Variants in PDZD2 observed in about 807,000 individuals in gnomAD.
PDZD2 encodes the protein PDZ domain containing 2, also known as PDZ domain-containing protein 2.
A neutral mutation model predicts 220.7 loss-of-function variants in PDZD2; 90 were observed. That is an observed-to-expected ratio of 0.41 (90% CI 0.34 to 0.49). The LOEUF (loss-of-function observed/expected upper bound fraction) is 0.49, where lower values mean the gene tolerates loss of function less well. Ranked by LOEUF, PDZD2 falls within the 20% of genes least tolerant of loss-of-function variation. The pLI, the probability that PDZD2 is intolerant of heterozygous loss-of-function variation, is 0.28. For synonymous variants in PDZD2, 1,375 were observed against 1,450.5 expected (o/e 0.95, Z 1.18); for missense variants, 3,174 against 3,608.5 (o/e 0.88, Z 3.08).
chr5:31,838,570 CA>C (rs1438786538), intron 2 of PDZD2, among the ~76,000 whole-genome samples: 3 of 152,230 alleles, frequency 2.0e-5, no homozygotes, highest in East Asian at 1.9e-4. Flanking sequence ...GGTGAGTTTT[CA>C]AAAGCTGATC....
intron 2 of PDZD2, among the ~76,000 whole-genome samples, chr5:31,846,614 C>T (rs1044096290): frequency 8.5e-5 from 13 of 152,202 alleles, no homozygotes; most frequent in African/African-American, 1.9e-4. Flanking sequence ...GTCACCACCC[C>T]GTCTGTGTGT....
chr5:31,958,011 A>C (rs962902933), intron 2 of PDZD2, among the ~76,000 whole-genome samples: 1 of 152,232 alleles, frequency 6.6e-6, no homozygotes, highest in Non-Finnish European at 1.5e-5. Context: ...GAAATTTTAT[A>C]CCATTTAAAT....
intron 2 of PDZD2, among the ~76,000 whole-genome samples, chr5:31,892,628 C>T (rs1261392912): frequency 2.0e-5 from 3 of 151,504 alleles, no homozygotes; most frequent in South Asian, 2.1e-4. Flanking sequence ...AGTGCAGTGG[C>T]GAGACCACAG....
At chr5:32,060,910 T>G in intron 13 of PDZD2, 92 bp from the exon 14 acceptor site, 1 of 1,231,366 alleles carries the variant, frequency 8.1e-7, no homozygotes, top group Non-Finnish European at 1.2e-6. Context: ...CAGAAAAGAT[T>G]TCATATTATA....
At chr5:31,750,476 C>T (rs1004539805) in intron 1 of PDZD2, among the ~76,000 whole-genome samples, 1 of 152,156 alleles carries the variant, frequency 6.6e-6, no homozygotes. Flanking sequence ...ACCCTGTCCC[C>T]GTGGAGGTAG....
At chr5:31,850,239 T>C (rs1317852971) in intron 2 of PDZD2, among the ~76,000 whole-genome samples, 1 of 117,762 alleles carries the variant, frequency 8.5e-6, no homozygotes, top group Non-Finnish European at 1.7e-5. Flanking sequence ...TATATATATA[T>C]ATATACACAC....
At chr5:31,643,726 G>C (rs541608278) in intron 1 of PDZD2, among the ~76,000 whole-genome samples, 186 of 152,244 alleles carry the variant, frequency 1.2e-3, no homozygotes, top group African/African-American at 4.4e-3. Flanking sequence ...TGAAAAAACA[G>C]TCTCACTTAT....
intron 10 of PDZD2, among the ~76,000 whole-genome samples, chr5:32,056,449 G>T (rs561924963): frequency 4.6e-5 from 7 of 152,202 alleles, no homozygotes. Flanking sequence ...GCTGTGCAAA[G>T]TTCATCTGTT....
chr5:32,009,770 T>C (rs896142568), intron 5 of PDZD2, among the ~76,000 whole-genome samples: 4 of 151,620 alleles, frequency 2.6e-5, no homozygotes, highest in Non-Finnish European at 4.4e-5. Flanking sequence ...GGATCTTAAA[T>C]TCAGGGAGCT....
chr5:31,978,077 C>G (rs1021555932), intron 2 of PDZD2, among the ~76,000 whole-genome samples: 2 of 152,124 alleles, frequency 1.3e-5, no homozygotes, highest in Admixed American at 1.3e-4. Context: ...AGTCATCCTG[C>G]AAAGGTCAAA....
intron 2 of PDZD2, among the ~76,000 whole-genome samples, chr5:31,949,298 C>G (rs1746963541): frequency 6.6e-6 from 1 of 151,810 alleles, no homozygotes; most frequent in African/African-American, 2.4e-5. Flanking sequence ...ATGTGTGACC[C>G]AAGGACAATG....
intron 1 of PDZD2, among the ~76,000 whole-genome samples, chr5:31,746,832 GA>G (rs2150172502): frequency 6.6e-6 from 1 of 152,302 alleles, no homozygotes; most frequent in African/African-American, 2.4e-5. Context: ...TCCCTGTAAC[GA>G]AAGACAGGTT....
chr5:31,786,182 C>T (rs946080615), intron 1 of PDZD2, among the ~76,000 whole-genome samples: 2 of 152,144 alleles, frequency 1.3e-5, no homozygotes, highest in Non-Finnish European at 1.5e-5. Context: ...GCTCCGTGAT[C>T]TTTTGGTTTC....
chr5:31,783,954 C>T (rs372447762), intron 1 of PDZD2, among the ~76,000 whole-genome samples: 6 of 152,302 alleles, frequency 3.9e-5, no homozygotes, highest in African/African-American at 1.4e-4. Flanking sequence ...CTGACTGTCA[C>T]TGAGTCTCCG....
intron 2 of PDZD2, among the ~76,000 whole-genome samples, chr5:31,880,905 G>C (rs537486160): frequency 9.0e-5 from 13 of 144,206 alleles, no homozygotes; most frequent in African/African-American, 3.4e-4. Context: ...AGGTTCAAGC[G>C]ATTCTCCTGC....
chr5:31,946,095 C>G (rs1746606845), intron 2 of PDZD2, among the ~76,000 whole-genome samples: 1 of 152,202 alleles, frequency 6.6e-6, no homozygotes, highest in African/African-American at 2.4e-5. Context: ...CTCTGCCTCT[C>G]AGGTTCAAGG....
intron 2 of PDZD2, among the ~76,000 whole-genome samples, chr5:31,967,455 C>G (rs1406865721): frequency 6.6e-6 from 1 of 152,130 alleles, no homozygotes; most frequent in African/African-American, 2.4e-5. Context: ...GCAGAAATGG[C>G]AAATGTGCCA....
At chr5:31,933,452 G>A (rs565878259) in intron 2 of PDZD2, among the ~76,000 whole-genome samples, 1 of 152,176 alleles carries the variant, frequency 6.6e-6, no homozygotes, top group East Asian at 1.9e-4. Context: ...TATACCTGGG[G>A]TGTCCCTTGG....
chr5:31,995,231 C>G (rs1261741086), intron 3 of PDZD2, among the ~76,000 whole-genome samples: 4 of 152,164 alleles, frequency 2.6e-5, no homozygotes, highest in African/African-American at 9.7e-5. Context: ...TAGTCATTAG[C>G]CACAGGTGGC....
Sources: allele counts gnomAD v4.1 joint callset (sites outside exome capture counted in the v4.1 genomes callset), GRCh38; gene constraint gnomAD v4.1.1; transcripts MANE v1.5; gene names NCBI Gene and HGNC (gene_info 2026-07-23, HGNC 2026-07-21).